The following TP53BP2 variants were observed in gnomAD, a reference collection of about 807,000 sequenced individuals.
TP53BP2 encodes tumor protein p53 binding protein 2, also known as apoptosis-stimulating of p53 protein 2.
In TP53BP2, 62 loss-of-function variants were observed where a neutral mutation model predicts 126.2. That is an observed-to-expected ratio of 0.49 (90% CI 0.40 to 0.61). The LOEUF (loss-of-function observed/expected upper bound fraction) is 0.61. Among genes scored for constraint, TP53BP2 ranks in the 20% least tolerant of loss-of-function variants. The probability of loss-of-function intolerance (pLI) is 0.00; values close to 1 mark genes in which losing one functional copy is unlikely to be tolerated. For synonymous variants in TP53BP2, 485 were observed against 502.9 expected, an observed-to-expected ratio of 0.96 and a Z score of 0.48; for missense variants, 1,215 against 1,402.8, an observed-to-expected ratio of 0.87 and a Z score of 2.14.
chr1:223,827,573 A>T (rs1001607700), intron 1 of TP53BP2, among the ~76,000 whole-genome samples: 2 of 152,202 alleles, frequency 1.3e-5, no homozygotes, highest in Admixed American at 1.3e-4. Flanking sequence ...GAGCAAATGG[A>T]GCCATCTAGG....
chr1:223,802,961 CA>C, intron 7 of TP53BP2, 66 bp from the exon 8 acceptor site: 3 of 1,547,300 alleles, frequency 1.9e-6, no homozygotes, highest in Non-Finnish European at 2.7e-6. Context: ...AACAGTTAAT[CA>C]CATGGTTAAC....
In TP53BP2 at chr1:223,802,147, G is replaced by T. The variant is rs1233873259; in HGVS notation, c.1194C>A (p.Asn398Lys). Residue 398 changes from asparagine (N) to lysine (K), a missense_variant, in exon 9 of 18, where the codon AAC (asparagine) becomes AAA (lysine). Asn to Lys is a moderately conservative substitution (Grantham distance 94). Around this residue, in one of 4 missense-constraint regions of TP53BP2, gnomAD observed 814 missense variants for 853.0 expected, o/e 0.95. Transcript: ENST00000343537. The stretch of plus-strand genomic sequence containing the variant: ...TTTGTGAAGCAGCCCCAGATCTCAT[G>T]TTGGGCAGTGTCTGTATTTTCATCG... ...EGPMKIQTLP[N>K]MRSGAASQTK... 1 of 1,614,186 alleles carries T rather than the reference G, an allele frequency of 6.2e-7. No individual in the cohort carries two copies. Among genetic ancestry groups the T allele is most frequent in the South Asian group, 1.1e-5 (1 of 91,090 alleles).
intron 1 of TP53BP2, among the ~76,000 whole-genome samples, chr1:223,838,497 C>G (rs915402699): frequency 3.3e-5 from 5 of 152,246 alleles, no homozygotes; most frequent in Non-Finnish European, 5.9e-5. Flanking sequence ...ACTCACTCCA[C>G]TCCCATCTGG....
intron 14 of TP53BP2, 144 bp from the exon 15 acceptor site, chr1:223,792,666 G>A (rs1476153225): frequency 7.3e-6 from 5 of 689,190 alleles, no homozygotes; most frequent in African/African-American, 3.6e-5. Context: ...TAGGAGCCAA[G>A]AAAACTATAC....
In TP53BP2 at chr1:223,802,641, T is replaced by C. The variant is rs1295881772; in HGVS notation, c.996+90A>G. 4.2e-6 allele frequency: 6 copies of C among 1,443,400 alleles called. No individual in the cohort carries two copies. The African/African-American group carries it at 7.1e-5, about 17-fold the overall frequency. The allele number at this position is 1,443,400 out of a possible 1,614,324, so 89.4% of individuals were successfully genotyped here. ...TGTTTTCTGAGGGCACACTGAGTAA[T>C]GATTCTGAAGAAGATGCCTATGAGT... On this transcript the variant is annotated intron_variant, in intron 8 of 17. Coordinates refer to ENST00000343537, the MANE Select transcript of TP53BP2 (RefSeq NM_001031685.3).
intron 1 of TP53BP2, among the ~76,000 whole-genome samples, chr1:223,831,350 A>G (rs1405269856): frequency 6.8e-6 from 1 of 147,696 alleles, no homozygotes; most frequent in East Asian, 2.0e-4. Flanking sequence ...GTGAGCTATG[A>G]TCATGCCACT....
chr1:223,834,594 A>G (rs777459889), intron 1 of TP53BP2, among the ~76,000 whole-genome samples: 2 of 152,196 alleles, frequency 1.3e-5, no homozygotes, highest in African/African-American at 2.4e-5. Flanking sequence ...AGGGAATTCC[A>G]TTTCAATTAC....
chr1:223,801,861 A>T, intron 9 of TP53BP2: 1 of 273,648 alleles, frequency 3.7e-6, no homozygotes, highest in Non-Finnish European at 6.9e-6. Flanking sequence ...AACAATTTTC[A>T]GGTTTATAAA....
In TP53BP2 at chr1:223,802,029, G is replaced by A. The variant is rs904059417; in HGVS notation, c.1225+87C>T. On this transcript the variant is annotated intron_variant, in intron 9 of 17. Transcript: ENST00000343537. ...TTTTTAGAATTCAAACATGAATAAT[G>A]AATACAAAGAGAGATTTTTTTTAAA... is the stretch of plus-strand genomic sequence containing the variant. The A allele has an allele frequency of 3.9e-6, 5 of 1,269,862 alleles. 1 individual carries two copies. The highest frequency in any genetic ancestry group is 4.7e-5 in the East Asian group (2 of 42,686). 78.7% of individuals were successfully genotyped at this position (1,269,862 alleles called of 1,614,324 possible).
chr1:223,817,437 A>G (rs1394581952), intron 2 of TP53BP2, among the ~76,000 whole-genome samples: 1 of 152,132 alleles, frequency 6.6e-6, no homozygotes, highest in Admixed American at 6.5e-5. Context: ...TGAAAATTTA[A>G]AAAATGTATG....
chr1:223,814,589 CAGG>C (rs1019230521), intron 2 of TP53BP2, among the ~76,000 whole-genome samples: 17 of 152,288 alleles, frequency 1.1e-4, no homozygotes, highest in African/African-American at 3.4e-4. Context: ...AGCCAGCTGT[CAGG>C]AGCTCAGCAG....
chr1:223,806,236 G>A (rs1662710411), intron 5 of TP53BP2, among the ~76,000 whole-genome samples: 1 of 152,138 alleles, frequency 6.6e-6, no homozygotes, highest in Non-Finnish European at 1.5e-5. Context: ...GTTCCTAGAA[G>A]CAAAGATGAA....
At chr1:223,841,037 G>A (rs1448666425) in intron 1 of TP53BP2, among the ~76,000 whole-genome samples, 4 of 152,114 alleles carry the variant, frequency 2.6e-5, no homozygotes, top group African/African-American at 7.2e-5. Context: ...TGGATCACGG[G>A]GTCAGGAGTT....
At position 223,798,384 on chromosome 1, in the gene TP53BP2, G is replaced by A. The variant is rs776132793; in HGVS notation, c.1779C>T (p.Pro593=). ...GAAGTAAGGTGTCTTTGGAAGGCTG[G>A]GGAGTAAAGGGCCGGACGGCAGCAG... ...PPAAAVRPFT[P]QPSKDTLLPP... The change falls in exon 12 of 18, where the codon CCC becomes CCT. Residue 593 remains proline (P), a synonymous_variant. Transcript: ENST00000343537. 3 of 1,614,122 alleles carry A rather than the reference G, an allele frequency of 1.9e-6. No homozygotes were observed. The South Asian group carries it at 3.3e-5, about 18-fold the overall frequency.
chr1:223,840,805 T>G (rs1350908438), intron 1 of TP53BP2, among the ~76,000 whole-genome samples: 1 of 152,236 alleles, frequency 6.6e-6, no homozygotes, highest in Non-Finnish European at 1.5e-5. Flanking sequence ...ACATTCTCCT[T>G]AATTGTTAAA....
At chr1:223,842,954 T>C (rs1003964043) in intron 1 of TP53BP2, among the ~76,000 whole-genome samples, 9 of 152,224 alleles carry the variant, frequency 5.9e-5, no homozygotes, top group Non-Finnish European at 8.8e-5. Flanking sequence ...ATACTAACAA[T>C]GGCAGGTATC....
rs1268935526 is a variant in TP53BP2, at chr1:223,831,476, AAAAAATATATATATATATAT to A, written c.28-10129_28-10110del. ...CACATATGTACCATCTAAAAAAAAA[AAAAAATATATATATATATAT>A]ATATATATATATATATATATACTGA... On this transcript the variant is annotated intron_variant, in intron 1 of 17. Transcript: ENST00000343537. 1.0e-4 allele frequency among the ~76,000 whole-genome samples: 5 copies of A among 50,226 alleles called. 1 individual carries two copies. The highest frequency in any genetic ancestry group is 1.9e-4 in the Non-Finnish European group (5 of 26,602). 33.0% of individuals were successfully genotyped at this position (50,226 alleles called of 152,430 possible).
chr1:223,781,629 A>T (rs963228361), intron 17 of TP53BP2, among the ~76,000 whole-genome samples: 5 of 152,192 alleles, frequency 3.3e-5, no homozygotes, highest in African/African-American at 1.2e-4. Flanking sequence ...CATCCCAATT[A>T]AAAAATTTAA....
intron 1 of TP53BP2, among the ~76,000 whole-genome samples, chr1:223,833,769 G>A (rs765279262): frequency 1.3e-4 from 20 of 152,184 alleles, no homozygotes; most frequent in East Asian, 1.9e-4. Flanking sequence ...TCATTCACCC[G>A]TTAGTACTTA....
Sources: allele counts gnomAD v4.1 joint callset (sites outside exome capture counted in the v4.1 genomes callset), GRCh38; gene constraint gnomAD v4.1.1; regional missense constraint gnomAD v4.1.1; transcripts MANE v1.5; gene names NCBI Gene and HGNC (gene_info 2026-07-23, HGNC 2026-07-21).